C1QTNF3: variants seen among roughly 807,000 people sequenced by gnomAD.
The protein encoded by C1QTNF3 is complement C1q tumor necrosis factor-related protein 3.
C1QTNF3 carries 26 observed loss-of-function variants against 32.6 expected under a neutral mutation model. The ratio of observed to expected loss-of-function variants is 0.80; its 90% CI spans 0.58 to 1.11. The LOEUF is 1.11. Among genes scored for constraint, C1QTNF3 ranks in the 50% least tolerant of loss-of-function variants. The pLI is 0.00. For missense variants in C1QTNF3, 362 were observed against 398.2 expected (o/e 0.91, Z 0.77); for synonymous variants, 155 against 146.0 (o/e 1.06, Z -0.44).
chr5:34,073,218 T>G, the C1QTNF3 span, among the ~76,000 whole-genome samples: 1 of 151,152 alleles, frequency 6.6e-6, no homozygotes, highest in Non-Finnish European at 1.5e-5. Context: ...TCCCAGCTAC[T>G]AGGGAAGCTG....
At chr5:34,195,506 T>C in the C1QTNF3 span, among the ~76,000 whole-genome samples, 5 of 151,878 alleles carry the variant, frequency 3.3e-5, no homozygotes, top group African/African-American at 1.2e-4. Flanking sequence ...TATATCAGCC[T>C]ATTACCATCT....
chr5:34,230,156 T>A, the C1QTNF3 span, among the ~76,000 whole-genome samples: 1 of 152,194 alleles, frequency 6.6e-6, no homozygotes, highest in Non-Finnish European at 1.5e-5. Context: ...TCTTACAGTA[T>A]TCCAAGCTGC....
the C1QTNF3 span, among the ~76,000 whole-genome samples, chr5:34,100,284 A>G: frequency 6.6e-6 from 1 of 152,020 alleles, no homozygotes; most frequent in Non-Finnish European, 1.5e-5. Flanking sequence ...GAGAAGTTCT[A>G]ACGACCCAAT....
At chr5:34,126,655 A>G in the C1QTNF3 span, among the ~76,000 whole-genome samples, 1 of 148,446 alleles carries the variant, frequency 6.7e-6, no homozygotes, top group Non-Finnish European at 1.5e-5. Context: ...TCAGATATTG[A>G]AGTATCATTC....
At chr5:34,085,511 C>G in the C1QTNF3 span, among the ~76,000 whole-genome samples, 1 of 151,488 alleles carries the variant, frequency 6.6e-6, no homozygotes, top group East Asian at 1.9e-4. Context: ...TTCCATTGGT[C>G]TATATATCTG....
chr5:34,195,562 CCGGG>C, the C1QTNF3 span, among the ~76,000 whole-genome samples: 1 of 152,332 alleles, frequency 6.6e-6, no homozygotes, highest in East Asian at 1.9e-4. Context: ...ATATGATAGG[CCGGG>C]CGCGGTGGCT....
At chr5:34,054,470 C>T in the C1QTNF3 span, among the ~76,000 whole-genome samples, 2 of 152,154 alleles carry the variant, frequency 1.3e-5, no homozygotes, top group South Asian at 2.1e-4. Flanking sequence ...TCAGGTCTGC[C>T]ACTGTAGCTT....
chr5:34,041,731 G>A (rs1391455072), intron 1 of C1QTNF3, among the ~76,000 whole-genome samples: 1 of 151,912 alleles, frequency 6.6e-6, no homozygotes, highest in Non-Finnish European at 1.5e-5. Flanking sequence ...CCACAGAATG[G>A]TTTGGGCAAC....
chr5:34,053,475 C>T, the C1QTNF3 span, among the ~76,000 whole-genome samples: 2 of 152,216 alleles, frequency 1.3e-5, no homozygotes, highest in East Asian at 1.9e-4. Context: ...GAGCCATTTG[C>T]CTGTCTGTCT....
At chr5:34,127,588 C>CTT in the C1QTNF3 span, among the ~76,000 whole-genome samples, 14 of 141,204 alleles carry the variant, frequency 9.9e-5, no homozygotes, top group East Asian at 4.1e-4. Context: ...TTTTCTTTTC[C>CTT]TTTTTTTTTT....
At position 34,043,112 on chromosome 5, in the gene C1QTNF3, T is replaced by C. The variant is rs1754915841; in HGVS notation, c.14A>G (p.Gln5Arg). MLWR[Q>R]LIYWQLLALF... is the part of the protein sequence containing the mutation. ...AGCCAGCAGTTGCCAATAGATGAGC[T>C]GCCTCCAAAGCATGATTCTCAACAG... Residue 5 changes from glutamine (Q) to arginine (R), a missense_variant, in exon 1 of 6, where the codon CAG becomes CGG. By Grantham distance (43) the Gln-to-Arg change is conservative. Coordinates refer to ENST00000382065, the MANE Select transcript of C1QTNF3 (RefSeq NM_181435.6). 6.2e-7 allele frequency: 1 copy of C among 1,612,456 alleles called. No individual in the cohort carries two copies. The highest frequency in any genetic ancestry group is 8.5e-7 in the Non-Finnish European group (1 of 1,179,816).
At chr5:34,050,321 C>T in the C1QTNF3 span, among the ~76,000 whole-genome samples, 1 of 152,178 alleles carries the variant, frequency 6.6e-6, no homozygotes, top group Non-Finnish European at 1.5e-5. Flanking sequence ...CCTTAAAAGT[C>T]CTCCTATTTT....
At chr5:34,122,190 T>C in the C1QTNF3 span, among the ~76,000 whole-genome samples, 6 of 152,168 alleles carry the variant, frequency 3.9e-5, no homozygotes, top group Non-Finnish European at 7.3e-5. Context: ...TAAAAGAGTT[T>C]CAAAGTGCAT....
the C1QTNF3 span, among the ~76,000 whole-genome samples, chr5:34,160,840 G>C: frequency 6.6e-6 from 1 of 150,564 alleles, no homozygotes; most frequent in Non-Finnish European, 1.5e-5. Context: ...GAAAGAGAGA[G>C]AGAAAGAATG....
chr5:34,113,994 C>T, the C1QTNF3 span, among the ~76,000 whole-genome samples: 1 of 152,158 alleles, frequency 6.6e-6, no homozygotes, highest in African/African-American at 2.4e-5. Flanking sequence ...GCTTTGCGAT[C>T]TTCAATGGAA....
At chr5:34,175,862 T>C in the C1QTNF3 span, 1 of 797,376 alleles carries the variant, frequency 1.3e-6, no homozygotes, top group African/African-American at 1.7e-5. Context: ...AGATGAGCTC[T>C]CCAACCACGT....
intron 4 of C1QTNF3, 176 bp from the exon 5 acceptor site, chr5:34,024,184 A>G (rs571258061): frequency 1.9e-4 from 111 of 582,034 alleles, no homozygotes; most frequent in Non-Finnish European, 2.9e-4. Context: ...TCCCCTTCCA[A>G]GTGCTTTCAA....
the C1QTNF3 span, chr5:34,168,853 A>G: frequency 6.6e-6 from 1 of 152,206 alleles, no homozygotes; most frequent in Non-Finnish European, 1.5e-5. Flanking sequence ...ACCAGTTGCT[A>G]TGGTTTGAAT....
the C1QTNF3 span, among the ~76,000 whole-genome samples, chr5:34,063,567 T>C: frequency 2.6e-5 from 4 of 152,114 alleles, no homozygotes; most frequent in Non-Finnish European, 5.9e-5. Flanking sequence ...GAGAGCATCT[T>C]ACACAATGGG....
Sources: allele counts gnomAD v4.1 joint callset (sites outside exome capture counted in the v4.1 genomes callset), GRCh38; gene constraint gnomAD v4.1.1; transcripts MANE v1.5; gene names NCBI Gene and HGNC (gene_info 2026-07-23, HGNC 2026-07-21).